ANKRD13D: variants seen among roughly 807,000 people sequenced by gnomAD.
ANKRD13D encodes the protein ankyrin repeat domain 13D.
In ANKRD13D, 24 loss-of-function variants were observed where a neutral mutation model predicts 68.8. That is an observed-to-expected ratio of 0.35 (90% CI 0.25 to 0.49). The LOEUF (loss-of-function observed/expected upper bound fraction) is 0.49. ANKRD13D is among the 20% of genes least tolerant of loss of function. The pLI is 0.99. For missense variants in ANKRD13D, 735 were observed against 832.1 expected (o/e 0.88, Z 1.44); for synonymous variants, 331 against 336.1 (o/e 0.98, Z 0.16).
chr11:67,301,877 G>A lies in ANKRD13D; in HGVS notation c.1604+54G>A, dbSNP rs1049717186. 86 of 1,519,094 alleles carry A rather than the reference G, an allele frequency of 5.7e-5. 1 individual carries two copies. Among genetic ancestry groups the A allele is most frequent in the South Asian group, 5.1e-4 (41 of 80,948 alleles). The allele number at this position is 1,519,094 out of a possible 1,614,324, so 94.1% of individuals were successfully genotyped here. A position where few individuals can be genotyped will look rare whatever the true frequency, so the allele number is the denominator to read the frequency against. ...CCTGTCCCCCCAGCCCTGGCTTGGC[G>A]GGGAGGGGGATAGCAGGAAGGTGCT... On this transcript the variant is annotated intron_variant, in intron 14 of 14. Transcript: ENST00000511455. The surrounding 1 kb of genome is among the most constrained non-coding windows in gnomAD (Gnocchi z 4.5).
At chr11:67,291,351 CAAAAAA>C (rs369072835) in intron 3 of ANKRD13D, 119 bp from the exon 4 acceptor site, 213 of 500,326 alleles carry the variant, frequency 4.3e-4, no homozygotes, top group African/African-American at 1.5e-3. Context: ...GAGCAAGTCT[CAAAAAA>C]AAAAAAAAAA....
chr11:67,291,363 A>AG, intron 3 of ANKRD13D, 113 bp from the exon 4 acceptor site: 1 of 1,102,566 alleles, frequency 9.1e-7, no homozygotes, highest in South Asian at 1.7e-5. Flanking sequence ...AAAAAAAAAA[A>AG]AAAAAAAAAA....
At chr11:67,297,913 A>C (rs1053425354) in intron 6 of ANKRD13D, 2 of 151,790 alleles carry the variant, frequency 1.3e-5, no homozygotes, top group African/African-American at 4.8e-5. Context: ...GACGTTGGCT[A>C]TTTAGGAGTG....
rs143743620 is a variant in ANKRD13D at position 67,301,318 on chromosome 11, C to T, written c.1268C>T (p.Thr423Ile). ...PLFHVLNARI[T>I]FSNLCGCDEP... Reference sequence around the variant, plus strand: ...TTCCACGTGCTCAATGCCCGCATCACCTTCAGCAACCTGTGTGGCTGTGAT... The same window carrying T: ...TTCCACGTGCTCAATGCCCGCATCATCTTCAGCAACCTGTGTGGCTGTGAT... Residue 423 changes from threonine (T) to isoleucine (I), a missense_variant, in exon 12 of 15, where the codon ACC becomes ATC. By Grantham distance (89) the Thr-to-Ile change is moderately conservative. Coordinates refer to ENST00000511455, the MANE Select transcript of ANKRD13D (RefSeq NM_207354.3). This position sits in a 1 kb window ranked among gnomAD's most constrained non-coding sequence, Gnocchi z 4.5. 5 of 1,613,660 alleles carry T rather than the reference C, an allele frequency of 3.1e-6. No homozygotes were observed. In the African/African-American group the frequency reaches 6.7e-5, roughly 22 times the overall value.
intron 3 of ANKRD13D, 115 bp from the exon 4 acceptor site, chr11:67,291,361 A>AG: frequency 9.2e-7 from 1 of 1,088,408 alleles, no homozygotes; most frequent in African/African-American, 1.6e-5. Context: ...CAAAAAAAAA[A>AG]AAAAAAAAAA....
At position 67,290,102 on chromosome 11, in the gene ANKRD13D, C is replaced by G; in HGVS notation, c.115C>G (p.Arg39Gly). The G allele has an allele frequency of 6.5e-7, 1 of 1,537,138 alleles. No individual in the cohort carries two copies. Among genetic ancestry groups the G allele is most frequent in the Non-Finnish European group, 8.7e-7 (1 of 1,146,870 alleles). The change falls in exon 2 of 15, where the codon CGC (arginine) becomes GGC (glycine). Residue 39 changes from arginine (R) to glycine (G), a missense_variant. By Grantham distance (125) the Arg-to-Gly change is moderately radical (BLOSUM62 -2). Coordinates refer to ENST00000511455, the MANE Select transcript of ANKRD13D (RefSeq NM_207354.3). ...HQHDIEQEDP[R>G]GRTPLELAVS... ...GCACGACATTGAACAGGAGGACCCC[C>G]GCGGGCGGACCCCACTGGAGCTGGC... is the stretch of plus-strand genomic sequence containing the variant.
At chr11:67,298,860 C>T (rs1051227927) in intron 6 of ANKRD13D, 198 bp from the exon 7 acceptor site, 5 of 609,126 alleles carry the variant, frequency 8.2e-6, no homozygotes, top group African/African-American at 7.4e-5. Context: ...TCCTCAGTGT[C>T]TTCTAGTCCC....
At position 67,292,060 on chromosome 11, in the gene ANKRD13D, C is replaced by T. The variant is rs1156424814; in HGVS notation, c.611C>T (p.Thr204Ile). The T allele has an allele frequency of 6.2e-7, 1 of 1,609,440 alleles. No individual in the cohort carries two copies. The highest frequency in any genetic ancestry group is 1.7e-5 in the Admixed American group (1 of 59,902). ...QVVHVETLGL[T>I]LQEPETLLAA... Reference sequence around the variant, plus strand: ...GTGCATGTGGAGACACTGGGGCTCACTCTGCAGGAGCCCGAAACACTGCTG... The same window carrying T: ...GTGCATGTGGAGACACTGGGGCTCATTCTGCAGGAGCCCGAAACACTGCTG... The change falls in exon 6 of 15, where the codon ACT becomes ATT. Residue 204 changes from threonine (T) to isoleucine (I), a missense_variant. Coordinates refer to ENST00000511455, the MANE Select transcript of ANKRD13D (RefSeq NM_207354.3).
At chr11:67,294,847 A>G (rs1423309995) in intron 6 of ANKRD13D, among the ~76,000 whole-genome samples, 1 of 152,218 alleles carries the variant, frequency 6.6e-6, no homozygotes, top group Non-Finnish European at 1.5e-5. Flanking sequence ...ATTATGAATC[A>G]AATGTTTTTC....
intron 6 of ANKRD13D, among the ~76,000 whole-genome samples, chr11:67,295,097 C>G (rs937137462): frequency 1.3e-5 from 2 of 152,050 alleles, no homozygotes; most frequent in Non-Finnish European, 2.9e-5. Flanking sequence ...ATTGCTCTGA[C>G]TAGAACTTCC....
chr11:67,292,139 C>T lies in ANKRD13D; in HGVS notation c.690C>T (p.Ile230=), dbSNP rs779867712. The change falls in exon 6 of 15, where the codon ATC becomes ATT. Residue 230 remains isoleucine (I), a synonymous_variant. Coordinates refer to ENST00000511455, the MANE Select transcript of ANKRD13D (RefSeq NM_207354.3). ...TGGCCAGTCGCCTCACCTCTCCTAT[C>T]GTCTCCACCCACCTGGACACTCGTA... ...EHVASRLTSP[I]VSTHLDTRNV... is the part of the protein sequence containing the mutation. 56 of 1,609,348 alleles carry T rather than the reference C, an allele frequency of 3.5e-5. No individual in the cohort carries two copies. In the East Asian group the frequency reaches 4.9e-4, roughly 14 times the overall value.
chr11:67,296,525 A>T (rs1278916953), intron 6 of ANKRD13D, among the ~76,000 whole-genome samples: 1 of 152,230 alleles, frequency 6.6e-6, no homozygotes, highest in African/African-American at 2.4e-5. Context: ...GTTGGTGTAC[A>T]GCTATCATTG....
chr11:67,296,338 A>AGTGTGTGT (rs35848734), intron 6 of ANKRD13D, among the ~76,000 whole-genome samples: 1,490 of 147,724 alleles, frequency 0.01, 14 homozygotes, highest in Non-Finnish European at 0.011. Flanking sequence ...TTTGGGCCTG[A>AGTGTGTGT]GTGTGTGTGT....
chr11:67,301,684 C>T lies in ANKRD13D; in HGVS notation c.1512+33C>T, dbSNP rs376761629. ...TTGCCCAGGGGGTGGGCTCTGGCCT[C>T]TGCAGCCACACGGCAGAAGTGACAG... On this transcript the variant is annotated intron_variant, in intron 13 of 14. Transcript: ENST00000511455. The surrounding 1 kb of genome is among the most constrained non-coding windows in gnomAD (Gnocchi z 4.5). The T allele has an allele frequency of 3.1e-6, 5 of 1,610,784 alleles. No homozygotes were observed. In the African/African-American group the frequency reaches 5.3e-5, roughly 17 times the overall value.
At chr11:67,293,727 A>C (rs1860665096) in intron 6 of ANKRD13D, among the ~76,000 whole-genome samples, 1 of 152,206 alleles carries the variant, frequency 6.6e-6, no homozygotes, top group Non-Finnish European at 1.5e-5. Context: ...TAGAGTCTAC[A>C]GACTGGTCTT....
chr11:67,301,459 T>G lies in ANKRD13D; in HGVS notation c.1349-29T>G. 7.5e-6 allele frequency: 12 copies of G among 1,609,124 alleles called. No homozygotes were observed. Among genetic ancestry groups the G allele is most frequent in the Non-Finnish European group, 8.5e-6 (10 of 1,177,152 alleles). ...TTTCTGGTCACCAAGCCCCGCGGGT[T>G]GAGCGTGGCCCCTCTGCCACCTGCC... is the stretch of plus-strand genomic sequence containing the variant. On this transcript the variant is annotated intron_variant, in intron 12 of 14. Transcript: ENST00000511455. The surrounding 1 kb of genome is among the most constrained non-coding windows in gnomAD (Gnocchi z 4.5).
At chr11:67,298,719 T>G (rs916396242) in intron 6 of ANKRD13D, 3 of 290,824 alleles carry the variant, frequency 1.0e-5, no homozygotes, top group African/African-American at 4.2e-5. Context: ...TAAAAATGTT[T>G]CCTAGAGTGT....
At chr11:67,296,822 A>G (rs1278708115) in intron 6 of ANKRD13D, among the ~76,000 whole-genome samples, 6 of 152,074 alleles carry the variant, frequency 3.9e-5, no homozygotes, top group African/African-American at 1.4e-4. Flanking sequence ...TGGTCTCACT[A>G]TGTCATCCAG....
At chr11:67,291,351 CAAAAAAAA>C in intron 3 of ANKRD13D, 117 bp from the exon 4 acceptor site, 7 of 496,150 alleles carry the variant, frequency 1.4e-5, no homozygotes, top group South Asian at 6.0e-5. Context: ...GAGCAAGTCT[CAAAAAAAA>C]AAAAAAAAAA....
Sources: gnomAD v4.1 joint callset for allele counts (sites outside exome capture counted in the v4.1 genomes callset) on GRCh38, gnomAD v4.1.1 for gene constraint, Gnocchi (gnomAD v3.1) non-coding constraint, MANE v1.5 for transcripts, NCBI Gene and HGNC (gene_info 2026-07-23, HGNC 2026-07-21) for gene names.